The following RNF40 variants were observed in gnomAD, a reference collection of about 807,000 sequenced individuals.
The protein encoded by RNF40 is ring finger protein 40.
Under a neutral mutation model 123.3 loss-of-function variants are expected in RNF40, and 39 were observed. The observed-to-expected ratio is 0.32, with a 90% CI of 0.24 to 0.41. RNF40 has a LOEUF of 0.41. Among genes scored for constraint, RNF40 ranks in the 10% least tolerant of loss-of-function variants. RNF40 has a pLI of 1.00. For synonymous variants in RNF40, 538 were observed against 526.0 expected (o/e 1.02, Z -0.31); for missense variants, 1,003 against 1,319.9 (o/e 0.76, Z 3.72).
At chr16:30,762,896 CTA>C (rs1388664850) in intron 2 of RNF40, among the ~76,000 whole-genome samples, 1 of 152,240 alleles carries the variant, frequency 6.6e-6, no homozygotes, top group Non-Finnish European at 1.5e-5. Flanking sequence ...TTGTCAAAGA[CTA>C]AGGATTTACA....
At position 30,764,912 on chromosome 16, in the gene RNF40, C is replaced by G. The variant is rs948742012; in HGVS notation, c.650-26C>G. ...GTTTGCCCCATTGCCCTGAGCTGGG[C>G]TCTTACCTGGGCCCTGCCTTCCCAG... On this transcript the variant is annotated intron_variant, in intron 5 of 19. Transcript: ENST00000324685. 4 of 1,606,044 alleles carry G rather than the reference C, an allele frequency of 2.5e-6. No homozygotes were observed. In the African/African-American group the frequency reaches 4.0e-5, roughly 16 times the overall value.
rs768675905 is a variant in RNF40 at position 30,763,542 on chromosome 16, G to A, written c.425G>A (p.Gly142Glu). The A allele has an allele frequency of 5.6e-6, 9 of 1,614,120 alleles. No homozygotes were observed. In the Admixed American group the frequency reaches 6.7e-5, roughly 12 times the overall value. ...TCDGTPLPEP[G>E]TSELRDPLLM... is the part of the protein sequence containing the mutation. ...GATGGGACTCCTCTCCCAGAGCCGG[G>A]GACATCAGAGCTGAGAGGTAGGACC... The change falls in exon 4 of 20, where the codon GGG becomes GAG. Residue 142 changes from glycine to glutamate, a missense_variant. Transcript: ENST00000324685.
At chr16:30,767,607 C>G in intron 11 of RNF40, 1 of 284,662 alleles carries the variant, frequency 3.5e-6, no homozygotes, top group Non-Finnish European at 6.7e-6. Flanking sequence ...GAATTTGAGA[C>G]CAGCCAGGGC....
rs754760594 is a variant in RNF40, at chr16:30,762,649, C to T, written c.104C>T (p.Pro35Leu). 5 of 1,613,374 alleles carry T rather than the reference C, an allele frequency of 3.1e-6. No individual in the cohort carries two copies. Among genetic ancestry groups the T allele is most frequent in the Non-Finnish European group, 4.2e-6 (5 of 1,179,884 alleles). The change falls in exon 2 of 20, where the codon CCC becomes CTC. Residue 35 changes from proline to leucine, a missense_variant. Pro to Leu is a moderately conservative substitution (Grantham distance 98). Transcript: ENST00000324685. Reference sequence around the variant, plus strand: ...AAGACCACCACGACTCTTATCGAGCCCATTCGTCTTGGAGGCATCTCTTCC... The same window carrying T: ...AAGACCACCACGACTCTTATCGAGCTCATTCGTCTTGGAGGCATCTCTTCC... Reference protein sequence around the residue: ...EEKTTTTLIEPIRLGGISSTE... With the variant: ...EEKTTTTLIELIRLGGISSTE...
rs1421585401 is a variant in RNF40 at position 30,776,281 on chromosome 16, A to G, written c.*2167A>G. On this transcript the variant is annotated 3_prime_UTR_variant, in exon 20 of 20. Coordinates refer to ENST00000324685, the MANE Select transcript of RNF40 (RefSeq NM_014771.4). ...CAAAACTCTCCTCGTGGGTCTTCATACCTAATAAAAGTCGGCATCAAACCA... is the reference window on the plus strand; with the variant it reads ...CAAAACTCTCCTCGTGGGTCTTCATGCCTAATAAAAGTCGGCATCAAACCA... 1 of 152,114 alleles carries G rather than the reference A, an allele frequency of 6.6e-6. No homozygotes were observed. Among genetic ancestry groups the G allele is most frequent in the East Asian group, 1.9e-4 (1 of 5,172 alleles). 9.4% of individuals were successfully genotyped at this position (152,114 alleles called of 1,614,324 possible).
rs977176313 is a variant in RNF40, at chr16:30,775,761, C to T, written c.*1647C>T. 1.6e-4 allele frequency: 24 copies of T among 152,348 alleles called. No individual in the cohort carries two copies. Among genetic ancestry groups the T allele is most frequent in the African/African-American group, 5.8e-4 (24 of 41,470 alleles). 9.4% of individuals were successfully genotyped at this position (152,348 alleles called of 1,614,324 possible). On this transcript the variant is annotated 3_prime_UTR_variant, in exon 20 of 20. Coordinates refer to ENST00000324685, the MANE Select transcript of RNF40 (RefSeq NM_014771.4). The stretch of plus-strand genomic sequence containing the variant: ...GAGCCGGTGCGGAGCGGTGTTGGTT[C>T]AGGCGCTGGCGACAGTGCTATGGCC...
At chr16:30,773,135 G>A (rs2054176211) in intron 19 of RNF40, among the ~76,000 whole-genome samples, 1 of 152,188 alleles carries the variant, frequency 6.6e-6, no homozygotes, top group Non-Finnish European at 1.5e-5. Context: ...GGTGCTCAAG[G>A]CAAAAGGGCC....
Position 30,769,608 on chromosome 16 carries a change from TG to T in RNF40, c.2586+11del. The T allele has an allele frequency of 6.4e-7, 1 of 1,553,302 alleles. No individual in the cohort carries two copies. The highest frequency in any genetic ancestry group is 8.7e-7 in the Non-Finnish European group (1 of 1,149,156). On this transcript the variant is annotated intron_variant, in intron 17 of 19. Transcript: ENST00000324685. ...GAGCTCAACAAGCGGAAGGTGAGGC[TG>T]GGCCAGGGGGACACACAGCTTGGGC...
rs759630538 is a variant in RNF40 at position 30,771,907 on chromosome 16, C to G, written c.2661C>G (p.Ile887Met). 24 of 1,609,526 alleles carry G rather than the reference C, an allele frequency of 1.5e-5. No individual in the cohort carries two copies. Among genetic ancestry groups the G allele is most frequent in the Non-Finnish European group, 2.0e-5 (23 of 1,177,384 alleles). ...LEHVQTRLRE[I>M]QPCLAESRAA... ...ACGTGCAGACTCGGCTGCGGGAGAT[C>G]CAGCCCTGCCTGGCAGAGAGCCGGG... is the stretch of plus-strand genomic sequence containing the variant. Residue 887 changes from isoleucine to methionine, a missense_variant, in exon 18 of 20, where the codon ATC becomes ATG. Coordinates refer to ENST00000324685, the MANE Select transcript of RNF40 (RefSeq NM_014771.4).
chr16:30,771,643 A>C (rs1403043867), intron 17 of RNF40, among the ~76,000 whole-genome samples, 190 bp from the exon 18 acceptor site: 2 of 152,098 alleles, frequency 1.3e-5, no homozygotes, highest in East Asian at 3.8e-4. Flanking sequence ...AAGAAACCCC[A>C]AAAAACAGCA....
Position 30,762,683 on chromosome 16 carries a change from T to C in RNF40, c.132+6T>C. The C allele has an allele frequency of 6.2e-7, 1 of 1,612,548 alleles. No homozygotes were observed. The highest frequency in any genetic ancestry group is 2.2e-5 in the East Asian group (1 of 44,846). ...TTGGAGGCATCTCTTCCACGGTTCG[T>C]GGGCTCTTGCCTTAACCCTCAGAAC... On this transcript the variant is annotated splice_donor_region_variant and intron_variant, in intron 2 of 19. Coordinates refer to ENST00000324685, the MANE Select transcript of RNF40 (RefSeq NM_014771.4).
intron 2 of RNF40, 81 bp from the exon 3 acceptor site, chr16:30,763,037 C>T (rs1019746479): frequency 2.0e-6 from 3 of 1,509,366 alleles, no homozygotes; most frequent in Non-Finnish European, 2.7e-6. Context: ...ATTGCAGATG[C>T]TCTGCTCCTC....
chr16:30,768,472 G>A lies in RNF40; in HGVS notation c.1921G>A (p.Val641Met). The change falls in exon 13 of 20, where the codon GTG becomes ATG. Residue 641 changes from valine to methionine, a missense_variant. Val to Met is a conservative substitution (Grantham distance 21). Around this residue, in one of 11 missense-constraint regions of RNF40, gnomAD observed 295 missense variants for 331.7 expected, o/e 0.89. Coordinates refer to ENST00000324685, the MANE Select transcript of RNF40 (RefSeq NM_014771.4). This position sits in a 1 kb window ranked among gnomAD's most constrained non-coding sequence, Gnocchi z 4.1. Reference protein sequence around the residue: ...LSRADREKAKVEETKRKESEL... With the variant: ...LSRADREKAKMEETKRKESEL... ...AAGGGCTGATCGGGAGAAGGCCAAG[G>A]TGGAAGAAACCAAGCGGAAGGAATC... 6.2e-7 allele frequency: 1 copy of A among 1,611,138 alleles called. No individual in the cohort carries two copies. The highest frequency in any genetic ancestry group is 8.5e-7 in the Non-Finnish European group (1 of 1,178,244).
Position 30,765,344 on chromosome 16 carries a change from G to A in RNF40, c.918+17G>A, listed in dbSNP as rs1596747292. 1 of 1,614,168 alleles carries A rather than the reference G, an allele frequency of 6.2e-7. No homozygotes were observed. Among genetic ancestry groups the A allele is most frequent in the East Asian group, 2.2e-5 (1 of 44,884 alleles). ...TTAGAGCAGGTGGGGCAGGGGTGCT[G>A]GGGCAGGTGAGGCAAGGCTGGGCCC... On this transcript the variant is annotated intron_variant, in intron 7 of 19. Transcript: ENST00000324685.
chr16:30,765,681 TA>T (rs1490441235), intron 8 of RNF40, among the ~76,000 whole-genome samples, 182 bp downstream of exon 8: 14 of 152,248 alleles, frequency 9.2e-5, no homozygotes, highest in African/African-American at 3.1e-4. Flanking sequence ...TGCTAGGCAC[TA>T]GGCATATTGG....
In RNF40 at chr16:30,769,570, C is replaced by T; in HGVS notation, c.2556C>T (p.Arg852=). The T allele has an allele frequency of 6.2e-7, 1 of 1,603,552 alleles. No individual in the cohort carries two copies. The highest frequency in any genetic ancestry group is 8.5e-7 in the Non-Finnish European group (1 of 1,174,984). ...GTGTGGAGAAGGAGCTGACGCTGCG[C>T]AGCCAAGCCCTGGAGCTCAACAAGC... is the stretch of plus-strand genomic sequence containing the variant. The part of the protein sequence containing the change: ...LGGVEKELTL[R]SQALELNKRK... The change falls in exon 17 of 20, where the codon CGC becomes CGT. Residue 852 remains arginine (R), a synonymous_variant. Coordinates refer to ENST00000324685, the MANE Select transcript of RNF40 (RefSeq NM_014771.4).
intron 4 of RNF40, 73 bp from the exon 5 acceptor site, chr16:30,764,106 C>A: frequency 8.0e-7 from 1 of 1,244,114 alleles, no homozygotes; most frequent in Non-Finnish European, 1.1e-6. Context: ...TTGAAGGGCT[C>A]AGTCTGGAAC....
At chr16:30,762,141 C>A (rs920917952), upstream of RNF40, 1 of 320,192 alleles carries the variant, frequency 3.1e-6, no homozygotes. Flanking sequence ...TGGCCAATCA[C>A]CGAGAGAAAG....
At position 30,763,413 on chromosome 16, in the gene RNF40, T is replaced by C; in HGVS notation, c.301-5T>C. On this transcript the variant is annotated splice_polypyrimidine_tract_variant and splice_region_variant and intron_variant, in intron 3 of 19. Transcript: ENST00000324685. ...CATAACATTTTTGATGTTTTCTCCT[T>C]CCAGCTGGATGAAACTGTGGAAGCC... is the stretch of plus-strand genomic sequence containing the variant. The C allele has an allele frequency of 6.2e-7, 1 of 1,601,662 alleles. No homozygotes were observed. The highest frequency in any genetic ancestry group is 8.5e-7 in the Non-Finnish European group (1 of 1,173,522).
Sources: allele counts gnomAD v4.1 joint callset (sites outside exome capture counted in the v4.1 genomes callset), GRCh38; gene constraint gnomAD v4.1.1; regional missense constraint gnomAD v4.1.1; non-coding constraint Gnocchi (gnomAD v3.1); transcripts MANE v1.5; gene names NCBI Gene and HGNC (gene_info 2026-07-23, HGNC 2026-07-21).